Variants in RASAL2 observed in about 807,000 individuals in gnomAD.
RASAL2 encodes the protein RAS protein activator like 2.
A neutral mutation model predicts 128.9 loss-of-function variants in RASAL2; 58 were observed. That is an observed-to-expected ratio of 0.45 (90% CI 0.36 to 0.56). RASAL2 has a LOEUF of 0.56. RASAL2 is among the 20% of genes least tolerant of loss of function. The pLI, the probability that RASAL2 is intolerant of heterozygous loss-of-function variation, is 0.00. For synonymous variants in RASAL2, 561 were observed against 580.8 expected (o/e 0.97, Z 0.49); for missense variants, 1,360 against 1,601.6 (o/e 0.85, Z 2.57).
intron 14 of RASAL2, 88 bp downstream of exon 14, chr1:178,458,632 T>A: frequency 6.8e-7 from 1 of 1,471,744 alleles, no homozygotes; most frequent in Non-Finnish European, 9.0e-7. Flanking sequence ...GAAATCCTAT[T>A]GTTAACAAGA....
At chr1:178,419,536 C>A (rs1247761378) in intron 4 of RASAL2, among the ~76,000 whole-genome samples, 1 of 152,030 alleles carries the variant, frequency 6.6e-6, no homozygotes, top group Non-Finnish European at 1.5e-5. Flanking sequence ...TATCCTGTCA[C>A]CTCAGCCTTT....
intron 1 of RASAL2, among the ~76,000 whole-genome samples, chr1:178,117,647 G>A (rs981054987): frequency 2.6e-5 from 4 of 152,104 alleles, no homozygotes; most frequent in Admixed American, 6.6e-5. Context: ...TATAAAAGGG[G>A]TGCAAGGGAG....
rs563316906 is a variant in RASAL2, at chr1:178,357,784, G to A, written c.458-32316G>A. 2.0e-5 allele frequency among the ~76,000 whole-genome samples: 3 copies of A among 152,064 alleles called. No individual in the cohort carries two copies. In the South Asian group the frequency reaches 6.2e-4, roughly 32 times the overall value. On this transcript the variant is annotated intron_variant, in intron 3 of 17. Transcript: ENST00000367649. Reference sequence around the variant, plus strand: ...ATATATTCTTTTGAACTTTTTCCATGTAAATATTATATTACTCATATCTCT... The same window carrying A: ...ATATATTCTTTTGAACTTTTTCCATATAAATATTATATTACTCATATCTCT...
chr1:178,381,101 A>C (rs1325815758), intron 3 of RASAL2, among the ~76,000 whole-genome samples: 1 of 152,194 alleles, frequency 6.6e-6, no homozygotes, highest in Admixed American at 6.5e-5. Flanking sequence ...TGACTGAGGC[A>C]AATTGTAGAA....
chr1:178,298,097 T>A (rs772656238), intron 2 of RASAL2, among the ~76,000 whole-genome samples: 7 of 152,220 alleles, frequency 4.6e-5, no homozygotes, highest in Non-Finnish European at 8.8e-5. Flanking sequence ...AAATTTACTG[T>A]CATTCTTCCC....
chr1:178,251,172 A>G (rs1196495557), intron 1 of RASAL2, among the ~76,000 whole-genome samples: 1 of 152,190 alleles, frequency 6.6e-6, no homozygotes, highest in African/African-American at 2.4e-5. Context: ...AAATCTAGCC[A>G]TCTAAAGCTA....
At chr1:178,160,163 A>G (rs1460450055) in intron 1 of RASAL2, among the ~76,000 whole-genome samples, 1 of 151,998 alleles carries the variant, frequency 6.6e-6, no homozygotes, top group African/African-American at 2.4e-5. Context: ...CTGTAGTTTT[A>G]CAAACTACAA....
chr1:178,100,221 A>C (rs1034426024), intron 1 of RASAL2, among the ~76,000 whole-genome samples: 1 of 152,062 alleles, frequency 6.6e-6, no homozygotes, highest in Non-Finnish European at 1.5e-5. Context: ...TACTGAACAC[A>C]TTTTTAAAAA....
At chr1:178,219,843 A>C (rs1663555127) in intron 1 of RASAL2, among the ~76,000 whole-genome samples, 1 of 151,712 alleles carries the variant, frequency 6.6e-6, no homozygotes, top group Non-Finnish European at 1.5e-5. Context: ...TATGGTTTGG[A>C]TGTTTCATCC....
At chr1:178,331,866 C>G (rs1424376689) in intron 3 of RASAL2, among the ~76,000 whole-genome samples, 2 of 151,994 alleles carry the variant, frequency 1.3e-5, no homozygotes, top group African/African-American at 4.8e-5. Context: ...GGATTACAGG[C>G]ATGAGCCACC....
intron 1 of RASAL2, among the ~76,000 whole-genome samples, chr1:178,127,865 G>C (rs758425700): frequency 1.3e-5 from 2 of 152,016 alleles, no homozygotes; most frequent in Non-Finnish European, 2.9e-5. Flanking sequence ...GAAGTTTACT[G>C]TAAATGACTG....
At chr1:178,199,247 C>T (rs981637122) in intron 1 of RASAL2, among the ~76,000 whole-genome samples, 1 of 152,234 alleles carries the variant, frequency 6.6e-6, no homozygotes, top group African/African-American at 2.4e-5. Context: ...TCCCTCGACA[C>T]CTTGCGCTTC....
intron 1 of RASAL2, among the ~76,000 whole-genome samples, chr1:178,240,587 T>G (rs1320911634): frequency 1.3e-5 from 2 of 152,126 alleles, no homozygotes; most frequent in East Asian, 3.9e-4. Flanking sequence ...GTGTCAAATT[T>G]TCATAGTAAA....
At chr1:178,149,924 C>T (rs890526072) in intron 1 of RASAL2, among the ~76,000 whole-genome samples, 2 of 152,124 alleles carry the variant, frequency 1.3e-5, no homozygotes, top group African/African-American at 2.4e-5. Context: ...GATTTAGAAA[C>T]TGCCACAACC....
intron 4 of RASAL2, among the ~76,000 whole-genome samples, chr1:178,397,502 G>A (rs1263025161): frequency 1.3e-5 from 2 of 152,192 alleles, no homozygotes; most frequent in African/African-American, 4.8e-5. Context: ...CTGCTAATGG[G>A]CATGGGGTTT....
Position 178,131,810 on chromosome 1 carries a change from G to A in RASAL2, c.202+37116G>A, listed in dbSNP as rs116587148. ...GAATTCTGGGCAGCCCGACCACAGA[G>A]CCTGAACTCTTAAATATTATACTGT... On this transcript the variant is annotated intron_variant, in intron 1 of 17. Coordinates refer to ENST00000367649, the MANE Select transcript of RASAL2 (RefSeq NM_170692.4). Among the ~76,000 whole-genome samples, 1,106 of 152,176 alleles carry A rather than the reference G, an allele frequency of 7.3e-3. 13 individuals are homozygous for A. Among genetic ancestry groups the A allele is most frequent in the African/African-American group, 0.025 (1,046 of 41,514 alleles).
intron 1 of RASAL2, among the ~76,000 whole-genome samples, chr1:178,147,463 G>C (rs1356606054): frequency 5.7e-5 from 8 of 141,218 alleles, no homozygotes; most frequent in Non-Finnish European, 1.1e-4. Context: ...TTGGGCTACA[G>C]AGTGAGACTC....
At chr1:178,351,229 A>T (rs955011445) in intron 3 of RASAL2, among the ~76,000 whole-genome samples, 1 of 152,196 alleles carries the variant, frequency 6.6e-6, no homozygotes, top group Admixed American at 6.5e-5. Flanking sequence ...TTGGGCAGGG[A>T]TACAGATCCA....
At position 178,388,200 on chromosome 1, in the gene RASAL2, A is replaced by G. The variant is rs111958016; in HGVS notation, c.458-1900A>G. Among the ~76,000 whole-genome samples the G allele has an allele frequency of 4.1e-3, 620 of 152,272 alleles. 3 individuals carry two copies. Among genetic ancestry groups the G allele is most frequent in the African/African-American group, 0.014 (564 of 41,558 alleles). On this transcript the variant is annotated intron_variant, in intron 3 of 17. Coordinates refer to ENST00000367649, the MANE Select transcript of RASAL2 (RefSeq NM_170692.4). Reference sequence around the variant, plus strand: ...TTTTTTTTCTACCTTCACCAGCCCCATTCCCTGCCTGCCTTGCCCCTAGCC... The same window carrying G: ...TTTTTTTTCTACCTTCACCAGCCCCGTTCCCTGCCTGCCTTGCCCCTAGCC...
Sources: gnomAD v4.1 joint callset for allele counts (sites outside exome capture counted in the v4.1 genomes callset) on GRCh38, gnomAD v4.1.1 for gene constraint, MANE v1.5 for transcripts, NCBI Gene and HGNC (gene_info 2026-07-23, HGNC 2026-07-21) for gene names.